Variants in LAD1 observed in about 807,000 individuals in gnomAD.
LAD1 encodes ladinin 1.
In LAD1, 53 loss-of-function variants were observed where a neutral mutation model predicts 54.2. That is an observed-to-expected ratio of 0.98 (90% confidence interval 0.78 to 1.23). The LOEUF is 1.23. Ranked by LOEUF, LAD1 falls within the 50% of genes most tolerant of loss-of-function variation. The probability of loss-of-function intolerance (pLI) is 0.00; values close to 1 mark genes in which losing one functional copy is unlikely to be tolerated. For missense variants in LAD1, 637 were observed against 653.3 expected (o/e 0.98, Z 0.27); for synonymous variants, 231 against 257.7 (o/e 0.90, Z 0.99).
chr1:201,382,320 G>A lies in LAD1; in HGVS notation c.1480C>T (p.Gln494Ter). 6.2e-7 allele frequency: 1 copy of A among 1,613,180 alleles called. No homozygotes were observed. Among genetic ancestry groups the A allele is most frequent in the Non-Finnish European group, 8.5e-7 (1 of 1,179,220 alleles). Residue 494 changes from glutamine (Q) to a stop codon, truncating the protein, a stop_gained, in exon 9 of 10, where the codon CAG becomes TAG. Transcript: ENST00000391967. LOFTEE classifies it high-confidence loss of function. ...ESGDQDPQEA[Q>*]KASSATERTQ... ...CTCTCGGTTGCAGATGATGCTTTCT[G>A]TGCCTCCTGATTGAGGGTATCAGGG...
Position 201,383,078 on chromosome 1 carries a change from C to T in LAD1, c.1382G>A (p.Arg461Gln), listed in dbSNP as rs115025356. The part of the protein sequence containing the change: ...GQSRAEPASS[R>Q]KENLRLSGVV... ...TGTGGGGCCTGAGCCCCTCACCTTC[C>T]GGCTGGAGGCTGGTTCTGCTCGGCT... is the stretch of plus-strand genomic sequence containing the variant. Residue 461 changes from arginine (R) to glutamine (Q), a missense_variant, in exon 7 of 10, where the codon CGG becomes CAG. Physicochemically the swap from Arg to Gln is conservative, Grantham distance 43. Coordinates refer to ENST00000391967, the MANE Select transcript of LAD1 (RefSeq NM_005558.4). 4.6e-4 allele frequency: 738 copies of T among 1,611,908 alleles called. No individual in the cohort carries two copies. The African/African-American group carries it at 7.7e-3, about 17-fold the overall frequency.
chr1:201,398,492 G>T (rs1181336425), intron 1 of LAD1, among the ~76,000 whole-genome samples: 26 of 152,144 alleles, frequency 1.7e-4, no homozygotes, highest in Non-Finnish European at 5.9e-5. Context: ...CTCACAGGGG[G>T]CCTTCTTGGC....
chr1:201,391,934 C>T (rs1316439055), intron 1 of LAD1, among the ~76,000 whole-genome samples: 1 of 152,236 alleles, frequency 6.6e-6, no homozygotes, highest in African/African-American at 2.4e-5. Context: ...TAGAAAAGGC[C>T]TCTTTCTTCC....
At chr1:201,393,361 TG>T (rs1282003560) in intron 1 of LAD1, among the ~76,000 whole-genome samples, 3 of 152,176 alleles carry the variant, frequency 2.0e-5, no homozygotes, top group Non-Finnish European at 4.4e-5. Flanking sequence ...ATGCCAGGGC[TG>T]TACCAGAGCC....
At chr1:201,382,993 G>T in intron 7 of LAD1, 81 bp downstream of exon 7, 1 of 1,486,380 alleles carries the variant, frequency 6.7e-7, no homozygotes, top group Non-Finnish European at 9.1e-7. Flanking sequence ...CAGTTTTCTA[G>T]CATTGCCACA....
chr1:201,384,996 T>C (rs1293153078), intron 4 of LAD1, among the ~76,000 whole-genome samples, 161 bp from the exon 5 acceptor site: 3 of 152,186 alleles, frequency 2.0e-5, no homozygotes, highest in African/African-American at 7.2e-5. Context: ...TGGACAAGCC[T>C]TCGTTAAAGA....
intron 1 of LAD1, among the ~76,000 whole-genome samples, chr1:201,391,369 T>G (rs1326208548): frequency 6.6e-6 from 1 of 152,172 alleles, no homozygotes; most frequent in Non-Finnish European, 1.5e-5. Context: ...ATCCATGTAC[T>G]CAGCCACTCA....
At chr1:201,382,466 C>A in intron 8 of LAD1, 140 bp from the exon 9 acceptor site, 1 of 764,398 alleles carries the variant, frequency 1.3e-6, no homozygotes, top group Non-Finnish European at 2.2e-6. Context: ...CCCCTCCTCT[C>A]TGCCAGAGTC....
Position 201,384,797 on chromosome 1 carries a change from A to T in LAD1, c.1170T>A (p.Thr390=). 1 of 1,614,062 alleles carries T rather than the reference A, an allele frequency of 6.2e-7. No individual in the cohort carries two copies. Among genetic ancestry groups the T allele is most frequent in the African/African-American group, 1.3e-5 (1 of 75,034 alleles). Residue 390 remains threonine, a synonymous_variant, in exon 5 of 10, where the codon ACT becomes ACA. Transcript: ENST00000391967. ...PKKENSETTL[T]RSASMKLPDN... The stretch of plus-strand genomic sequence containing the variant: ...AGAGCCTCCAGGCCCCCCACCTGCG[A>T]GTTAGGGTTGTTTCCGAGTTTTCTT...
intron 2 of LAD1, among the ~76,000 whole-genome samples, chr1:201,388,115 C>A (rs549539996): frequency 9.6e-4 from 146 of 152,236 alleles, no homozygotes; most frequent in Non-Finnish European, 1.6e-3. Context: ...AATTATAGGC[C>A]GGTGCAGCGG....
intron 2 of LAD1, among the ~76,000 whole-genome samples, chr1:201,388,681 C>CAAAA (rs35111170): frequency 5.8e-4 from 63 of 107,758 alleles, no homozygotes; most frequent in African/African-American, 2.1e-3. Flanking sequence ...GACTTCGTCT[C>CAAAA]AAAAAAAAAA....
chr1:201,394,098 G>C (rs1477540870), intron 1 of LAD1, among the ~76,000 whole-genome samples: 2 of 152,190 alleles, frequency 1.3e-5, no homozygotes, highest in Non-Finnish European at 2.9e-5. Context: ...ACAACCGCAG[G>C]ATAGGGTGTC....
rs369793822 is a variant in LAD1, at chr1:201,382,788, G to A, written c.1387-49C>T. ...AGGGTTTAGGGCCCTTGGCAGCAGCGAGGCATGTTCAGAGGCCCTGGAATG... is the reference window on the plus strand; with the variant it reads ...AGGGTTTAGGGCCCTTGGCAGCAGCAAGGCATGTTCAGAGGCCCTGGAATG... On this transcript the variant is annotated intron_variant, in intron 7 of 9. Coordinates refer to ENST00000391967, the MANE Select transcript of LAD1 (RefSeq NM_005558.4). 75 of 1,428,590 alleles carry A rather than the reference G, an allele frequency of 5.2e-5. 1 individual carries two copies. The highest frequency in any genetic ancestry group is 7.1e-5 in the African/African-American group (5 of 70,922). The allele number at this position is 1,428,590 out of a possible 1,614,324, so 88.5% of individuals were successfully genotyped here. A position where few individuals can be genotyped will look rare whatever the true frequency, so the allele number is the denominator to read the frequency against.
rs1661946739 is a variant in LAD1 at position 201,381,107 on chromosome 1, G to C, written c.*781C>G. The C allele has an allele frequency of 6.6e-6, 1 of 152,662 alleles. No homozygotes were observed. Among genetic ancestry groups the C allele is most frequent in the South Asian group, 2.1e-4 (1 of 4,822 alleles). The allele number at this position is 152,662 out of a possible 1,614,324, so 9.5% of individuals were successfully genotyped here. On this transcript the variant is annotated 3_prime_UTR_variant, in exon 10 of 10. Transcript: ENST00000391967. Reference sequence around the variant, plus strand: ...AAGCCACCACCTTAATGTGAGAAGAGGGGGGATGAGGAAAATGATGATCCT... The same window carrying C: ...AAGCCACCACCTTAATGTGAGAAGACGGGGGATGAGGAAAATGATGATCCT...
At chr1:201,393,533 G>A (rs1264402466) in intron 1 of LAD1, among the ~76,000 whole-genome samples, 1 of 151,942 alleles carries the variant, frequency 6.6e-6, no homozygotes, top group African/African-American at 2.4e-5. Context: ...ATCACCTGAG[G>A]TCAGGAGTTC....
Position 201,382,462 on chromosome 1 carries a change from C to T in LAD1, c.1474-136G>A, listed in dbSNP as rs115096817. ...GAAAAGGAACCCAGACCCACCCCTC[C>T]TCTCTGCCAGAGTCTGACCCACACA... is the stretch of plus-strand genomic sequence containing the variant. On this transcript the variant is annotated intron_variant, in intron 8 of 9. Coordinates refer to ENST00000391967, the MANE Select transcript of LAD1 (RefSeq NM_005558.4). 1.4e-3 allele frequency: 1,124 copies of T among 787,046 alleles called. 8 individuals are homozygous for T. In the African/African-American group the frequency reaches 0.017, roughly 12 times the overall value. 48.8% of individuals were successfully genotyped at this position (787,046 alleles called of 1,614,324 possible). A position where few individuals can be genotyped will look rare whatever the true frequency, so the allele number is the denominator to read the frequency against.
intron 1 of LAD1, among the ~76,000 whole-genome samples, chr1:201,393,103 G>A (rs1255816025): frequency 6.6e-6 from 1 of 152,118 alleles, no homozygotes; most frequent in Non-Finnish European, 1.5e-5. Context: ...GGAGTGTGGT[G>A]GGCTGTTGGG....
At chr1:201,399,181 G>C (rs1256566766) in intron 1 of LAD1, 88 bp downstream of exon 1, 1 of 1,113,214 alleles carries the variant, frequency 9.0e-7, no homozygotes, top group Admixed American at 2.0e-5. Flanking sequence ...CAGGGTCCCA[G>C]GCGGGGAGGA....
At chr1:201,394,036 C>T (rs1259940543) in intron 1 of LAD1, among the ~76,000 whole-genome samples, 1 of 151,926 alleles carries the variant, frequency 6.6e-6, no homozygotes, top group Non-Finnish European at 1.5e-5. Flanking sequence ...CAAAGTGAGA[C>T]CCCCATCTCT....
Sources: allele counts gnomAD v4.1 joint callset (sites outside exome capture counted in the v4.1 genomes callset), GRCh38; gene constraint gnomAD v4.1.1; transcripts MANE v1.5; gene names NCBI Gene and HGNC (gene_info 2026-07-23, HGNC 2026-07-21).